The following CNTNAP2 variants were observed in gnomAD, a reference collection of about 807,000 sequenced individuals.
The protein encoded by CNTNAP2 is contactin associated protein 2.
Under a neutral mutation model 155.2 loss-of-function variants are expected in CNTNAP2, and 98 were observed. That is an observed-to-expected ratio of 0.63 (90% confidence interval 0.54 to 0.75). CNTNAP2 has a LOEUF of 0.75. CNTNAP2 is among the 30% of genes least tolerant of loss of function. CNTNAP2 has a pLI of 0.00. For synonymous variants in CNTNAP2, 651 were observed against 631.2 expected (o/e 1.03, Z -0.47); for missense variants, 1,727 against 1,688.1 (o/e 1.02, Z -0.40).
At chr7:146,144,822 G>A (rs1797934375) in intron 1 of CNTNAP2, among the ~76,000 whole-genome samples, 1 of 152,058 alleles carries the variant, frequency 6.6e-6, no homozygotes, top group Admixed American at 6.5e-5. Flanking sequence ...TCTATTAACA[G>A]CTTTTGACTT....
chr7:147,307,931 A>G (rs907144496), intron 9 of CNTNAP2, among the ~76,000 whole-genome samples: 1 of 152,208 alleles, frequency 6.6e-6, no homozygotes, highest in Admixed American at 6.5e-5. Context: ...AATCAGGGGA[A>G]AAAGTGCTTG....
In CNTNAP2 at chr7:148,098,695, T is replaced by G. The variant is rs553157841; in HGVS notation, c.2384-19423T>G. Among the ~76,000 whole-genome samples the G allele has an allele frequency of 9.2e-5, 14 of 152,064 alleles. No individual in the cohort carries two copies. The South Asian group carries it at 2.9e-3, about 32-fold the overall frequency. ...TTAAAAAAATTTTTTAAATTTTCAT[T>G]AAAATAAATATAAGGTCTTTACGTG... On this transcript the variant is annotated intron_variant, in intron 15 of 23. Coordinates refer to ENST00000361727, the MANE Select transcript of CNTNAP2 (RefSeq NM_014141.6).
chr7:147,260,637 T>C (rs1804440797), intron 8 of CNTNAP2, among the ~76,000 whole-genome samples: 1 of 152,204 alleles, frequency 6.6e-6, no homozygotes, highest in Non-Finnish European at 1.5e-5. Flanking sequence ...TCCTCCGTGA[T>C]TTTGTAGGGA....
intron 8 of CNTNAP2, among the ~76,000 whole-genome samples, chr7:147,154,874 A>G (rs1182108830): frequency 6.6e-6 from 1 of 152,150 alleles, no homozygotes; most frequent in Non-Finnish European, 1.5e-5. Context: ...ATATAGTTAG[A>G]TTATGTCTTC....
At chr7:148,113,679 A>G (rs1804404159) in intron 15 of CNTNAP2, among the ~76,000 whole-genome samples, 1 of 152,230 alleles carries the variant, frequency 6.6e-6, no homozygotes, top group Non-Finnish European at 1.5e-5. Flanking sequence ...GCTCTCCTGC[A>G]CTAGCTAGAG....
intron 1 of CNTNAP2, among the ~76,000 whole-genome samples, chr7:146,470,656 G>A (rs59885630): frequency 0.017 from 2,614 of 151,984 alleles, 81 homozygotes; most frequent in African/African-American, 0.06. Context: ...TGCAACCTCC[G>A]CCTCCTGGGA....
At chr7:148,288,082 G>T (rs567715982) in intron 21 of CNTNAP2, among the ~76,000 whole-genome samples, 77 of 147,566 alleles carry the variant, frequency 5.2e-4, no homozygotes, top group African/African-American at 1.9e-3. Flanking sequence ...GAGCCACCGC[G>T]CCCAACCTTT....
chr7:147,038,023 C>G (rs897684603), intron 3 of CNTNAP2, among the ~76,000 whole-genome samples: 13 of 152,142 alleles, frequency 8.5e-5, no homozygotes, highest in African/African-American at 3.1e-4. Flanking sequence ...AATCTATTGG[C>G]ACACACCTAT....
intron 14 of CNTNAP2, among the ~76,000 whole-genome samples, chr7:147,931,064 A>G (rs1334110158): frequency 2.6e-5 from 4 of 152,170 alleles, no homozygotes; most frequent in Admixed American, 2.0e-4. Flanking sequence ...AGAGAAATGT[A>G]TAGTAATAAA....
chr7:146,288,076 A>T (rs1800365231), intron 1 of CNTNAP2, among the ~76,000 whole-genome samples: 1 of 151,906 alleles, frequency 6.6e-6, no homozygotes, highest in South Asian at 2.1e-4. Flanking sequence ...GGATTTTGGG[A>T]GGCCTAGGTG....
In CNTNAP2 at chr7:148,283,288, AAAGAAAGAAAGAAAGAAAGGAAGG is replaced by A. The variant is rs1221390110; in HGVS notation, c.3475+16166_3475+16189del. On this transcript the variant is annotated intron_variant, in intron 21 of 23. Coordinates refer to ENST00000361727, the MANE Select transcript of CNTNAP2 (RefSeq NM_014141.6). ...GAAAGAAAGAAAGAAAGAAAGAAAG[AAAGAAAGAAAGAAAGAAAGGAAGG>A]AAGGAAGGAAAGAAAGAAAGAATTC... Among the ~76,000 whole-genome samples, 521 of 97,180 alleles carry A rather than the reference AAAGAAAGAAAGAAAGAAAGGAAGG, an allele frequency of 5.4e-3. 52 individuals are homozygous for A. The highest frequency in any genetic ancestry group is 0.021 in the South Asian group (77 of 3,612). 63.8% of individuals were successfully genotyped at this position (97,180 alleles called of 152,430 possible).
intron 15 of CNTNAP2, among the ~76,000 whole-genome samples, chr7:148,074,519 G>A (rs897987361): frequency 3.1e-4 from 42 of 135,008 alleles, no homozygotes; most frequent in African/African-American, 9.4e-4. Context: ...GGTGAAACCC[G>A]TCTCTACTAA....
At chr7:146,988,637 T>A (rs1798157725) in intron 3 of CNTNAP2, among the ~76,000 whole-genome samples, 1 of 152,216 alleles carries the variant, frequency 6.6e-6, no homozygotes, top group South Asian at 2.1e-4. Flanking sequence ...GCTGATGAAA[T>A]AGTTTAACAC....
At chr7:147,707,774 C>T (rs1315683346) in intron 13 of CNTNAP2, among the ~76,000 whole-genome samples, 2 of 152,174 alleles carry the variant, frequency 1.3e-5, no homozygotes, top group Non-Finnish European at 2.9e-5. Context: ...TGTTTGTTGG[C>T]ATTGGCTACA....
intron 1 of CNTNAP2, among the ~76,000 whole-genome samples, chr7:146,631,967 GATTAAAAGT>G (rs1422594215): frequency 2.0e-5 from 3 of 151,990 alleles, no homozygotes; most frequent in African/African-American, 7.2e-5. Context: ...GATAAAAATT[GATTAAAAGT>G]ATATCATTTA....
At chr7:146,583,883 T>C (rs1798648896) in intron 1 of CNTNAP2, among the ~76,000 whole-genome samples, 1 of 152,196 alleles carries the variant, frequency 6.6e-6, no homozygotes, top group Non-Finnish European at 1.5e-5. Flanking sequence ...ACACTCTCCT[T>C]GTACTAGAGC....
rs71527854 is a variant in CNTNAP2 at position 147,924,143 on chromosome 7, C to CTTTTTTTTTTTTTTTT, written c.2255+20435_2255+20436insTTTTTTTTTTTTTTTT. 7.3e-5 allele frequency among the ~76,000 whole-genome samples: 9 copies of CTTTTTTTTTTTTTTTT among 123,478 alleles called. 1 individual carries two copies. Among genetic ancestry groups the CTTTTTTTTTTTTTTTT allele is most frequent in the Middle Eastern group, 9.1e-3 (2 of 220 alleles). The allele number at this position is 123,478 out of a possible 152,430, so 81.0% of individuals were successfully genotyped here. A position where few individuals can be genotyped will look rare whatever the true frequency, so the allele number is the denominator to read the frequency against. ...GCACTTTTTTCTTTTCTTTTCTTTT[C>CTTTTTTTTTTTTTTTT]TTTTTTTTTTTTTGAGACAGAGTTT... On this transcript the variant is annotated intron_variant, in intron 14 of 23. Coordinates refer to ENST00000361727, the MANE Select transcript of CNTNAP2 (RefSeq NM_014141.6).
chr7:147,561,830 A>G (rs1800069983), intron 11 of CNTNAP2, among the ~76,000 whole-genome samples: 1 of 152,186 alleles, frequency 6.6e-6, no homozygotes, highest in Admixed American at 6.6e-5. Context: ...AATAAGTAGA[A>G]ATTAAATATT....
intron 3 of CNTNAP2, among the ~76,000 whole-genome samples, chr7:147,026,678 T>TC (rs1235075791): frequency 2.6e-5 from 4 of 151,998 alleles, no homozygotes; most frequent in African/African-American, 7.2e-5. Context: ...CTGGTTAGTT[T>TC]CACAGGATAT....
Sources: allele counts gnomAD v4.1 joint callset (sites outside exome capture counted in the v4.1 genomes callset), GRCh38; gene constraint gnomAD v4.1.1; transcripts MANE v1.5; gene names NCBI Gene and HGNC (gene_info 2026-07-23, HGNC 2026-07-21).